Variants in CNBD1 observed in about 807,000 individuals in gnomAD.
CNBD1 encodes cyclic nucleotide binding domain containing 1.
Under a neutral mutation model 54.4 loss-of-function variants are expected in CNBD1, and 71 were observed. That is an observed-to-expected ratio of 1.30 (90% CI 1.08 to 1.59). The LOEUF (loss-of-function observed/expected upper bound fraction) is 1.59. Among genes scored for constraint, CNBD1 ranks in the 40% most tolerant of loss-of-function variants. CNBD1 has a pLI of 0.00. For missense variants in CNBD1, 659 were observed against 518.0 expected, an observed-to-expected ratio of 1.27 and a Z score of -2.64; for synonymous variants, 182 against 170.7, an observed-to-expected ratio of 1.07 and a Z score of -0.51.
chr8:87,095,909 T>C (rs1195946175), intron 4 of CNBD1, among the ~76,000 whole-genome samples: 17 of 152,188 alleles, frequency 1.1e-4, no homozygotes, highest in Admixed American at 9.2e-4. Flanking sequence ...CTGCCCGCCT[T>C]GGCCTCCCAA....
chr8:86,873,838 G>C (rs1477717134), intron 1 of CNBD1, among the ~76,000 whole-genome samples: 1 of 152,008 alleles, frequency 6.6e-6, no homozygotes, highest in African/African-American at 2.4e-5. Flanking sequence ...ACAGATGTTG[G>C]AAGTTCAGAT....
Position 86,887,601 on chromosome 8 carries a change from G to A in CNBD1, c.148G>A (p.Gly50Arg). The part of the protein sequence containing the change: ...GQLNALCHIR[G>R]QHSRSMSNIL... The stretch of plus-strand genomic sequence containing the variant: ...GTTGAATGCATTATGCCACATTAGA[G>A]GACAACACAGGTAAGCTATTCATGC... The change falls in exon 2 of 11, where the codon GGA becomes AGA. Residue 50 changes from glycine to arginine, a missense_variant. Physicochemically the swap from Gly to Arg is moderately radical, Grantham distance 125. Transcript: ENST00000518476. 6.3e-7 allele frequency: 1 copy of A among 1,578,460 alleles called. No individual in the cohort carries two copies. Among genetic ancestry groups the A allele is most frequent in the South Asian group, 1.2e-5 (1 of 85,726 alleles).
chr8:87,327,583 C>G (rs962925049), intron 8 of CNBD1, among the ~76,000 whole-genome samples: 3 of 152,162 alleles, frequency 2.0e-5, no homozygotes, highest in Non-Finnish European at 2.9e-5. Flanking sequence ...GCGTCAGTCA[C>G]CCCTTTTTTG....
chr8:87,025,358 T>A (rs1809617619), intron 4 of CNBD1, among the ~76,000 whole-genome samples: 1 of 152,182 alleles, frequency 6.6e-6, no homozygotes, highest in African/African-American at 2.4e-5. Context: ...TCACAATAAA[T>A]CTTGCTGCTG....
At chr8:87,329,585 C>T (rs1016571275) in intron 8 of CNBD1, among the ~76,000 whole-genome samples, 2 of 151,936 alleles carry the variant, frequency 1.3e-5, no homozygotes, top group African/African-American at 2.4e-5. Context: ...TTTATCAGAA[C>T]TTTGTAGTTT....
At chr8:87,221,171 G>GTCCACT (rs1814328034) in intron 5 of CNBD1, among the ~76,000 whole-genome samples, 1 of 152,058 alleles carries the variant, frequency 6.6e-6, no homozygotes, top group Non-Finnish European at 1.5e-5. Flanking sequence ...TGGATAAGTT[G>GTCCACT]TCTATGAGAT....
intron 4 of CNBD1, among the ~76,000 whole-genome samples, chr8:87,159,690 A>T (rs1478783082): frequency 6.6e-6 from 1 of 151,992 alleles, no homozygotes; most frequent in African/African-American, 2.4e-5. Context: ...TCTGAGTAGC[A>T]CCTCTGCAGC....
chr8:86,917,734 T>C (rs1015520446), intron 3 of CNBD1, among the ~76,000 whole-genome samples: 2 of 152,140 alleles, frequency 1.3e-5, no homozygotes, highest in East Asian at 1.9e-4. Flanking sequence ...AGGAACATGA[T>C]GATGATCAGC....
intron 8 of CNBD1, among the ~76,000 whole-genome samples, chr8:87,332,839 T>C (rs1018186989): frequency 3.9e-5 from 6 of 152,218 alleles, no homozygotes; most frequent in African/African-American, 1.4e-4. Context: ...TTGCTTAGGA[T>C]TGCCTTTGCT....
At chr8:87,106,053 C>G (rs774978040) in intron 4 of CNBD1, among the ~76,000 whole-genome samples, 2 of 152,176 alleles carry the variant, frequency 1.3e-5, no homozygotes, top group Non-Finnish European at 2.9e-5. Context: ...GTTCCCTTAT[C>G]AAACTCTACA....
chr8:87,308,169 G>C (rs562470936), intron 8 of CNBD1, among the ~76,000 whole-genome samples: 1 of 152,204 alleles, frequency 6.6e-6, no homozygotes, highest in Non-Finnish European at 1.5e-5. Context: ...TGGGTTACAT[G>C]CACACAATGA....
At chr8:87,340,863 C>G (rs1431191190) in intron 8 of CNBD1, among the ~76,000 whole-genome samples, 1 of 151,920 alleles carries the variant, frequency 6.6e-6, no homozygotes, top group African/African-American at 2.4e-5. Flanking sequence ...TGTTGGGTAA[C>G]TCCTATACCG....
intron 4 of CNBD1, among the ~76,000 whole-genome samples, chr8:87,137,170 ATAT>A (rs1428377194): frequency 5.0e-5 from 7 of 138,924 alleles, no homozygotes; most frequent in African/African-American, 1.9e-4. Context: ...TAAATTATAT[ATAT>A]TATATTTTTA....
intron 3 of CNBD1, among the ~76,000 whole-genome samples, chr8:86,919,014 A>G (rs1363693794): frequency 6.6e-6 from 1 of 151,804 alleles, no homozygotes; most frequent in Admixed American, 6.6e-5. Flanking sequence ...TTCTGAAAAT[A>G]TCATGCTTTT....
chr8:87,203,186 G>C (rs1318024226), intron 4 of CNBD1, among the ~76,000 whole-genome samples: 1 of 152,118 alleles, frequency 6.6e-6, no homozygotes, highest in Non-Finnish European at 1.5e-5. Context: ...TCTACAGAAA[G>C]AATATCAGAC....
chr8:87,341,948 C>A (rs917274784), intron 8 of CNBD1, among the ~76,000 whole-genome samples: 1 of 152,102 alleles, frequency 6.6e-6, no homozygotes, highest in African/African-American at 2.4e-5. Flanking sequence ...GATACAGAAG[C>A]CTCTTAATGG....
At chr8:87,392,758 A>G (rs921331782) in intron 2 of CNBD1, among the ~76,000 whole-genome samples, 4 of 151,972 alleles carry the variant, frequency 2.6e-5, no homozygotes, top group Admixed American at 2.6e-4. Flanking sequence ...CTCTGTGAAT[A>G]TAATGAAAAA....
At chr8:87,414,828 AT>A (rs1401219804) in intron 2 of CNBD1, among the ~76,000 whole-genome samples, 1 of 152,020 alleles carries the variant, frequency 6.6e-6, no homozygotes, top group Non-Finnish European at 1.5e-5. Context: ...TTTTTATGCT[AT>A]TTTGCAAGCT....
intron 3 of CNBD1, among the ~76,000 whole-genome samples, chr8:86,912,673 T>C (rs536556524): frequency 6.6e-6 from 1 of 152,334 alleles, no homozygotes; most frequent in South Asian, 2.1e-4. Flanking sequence ...ATAACTTTTA[T>C]TGTTATTTTA....
Sources: gnomAD v4.1 joint callset for allele counts (sites outside exome capture counted in the v4.1 genomes callset) on GRCh38, gnomAD v4.1.1 for gene constraint, MANE v1.5 for transcripts, NCBI Gene and HGNC (gene_info 2026-07-23, HGNC 2026-07-21) for gene names.